POLE: variants seen among roughly 807,000 people sequenced by gnomAD.
POLE encodes DNA polymerase epsilon, catalytic subunit, also known as DNA polymerase epsilon catalytic subunit A.
In POLE, 188 loss-of-function variants were observed where a neutral mutation model predicts 279.2. The observed-to-expected ratio is 0.67, with a 90% CI of 0.60 to 0.76. POLE has a LOEUF of 0.76. Ranked by LOEUF, POLE falls within the 30% of genes least tolerant of loss-of-function variation. The pLI, the probability that POLE is intolerant of heterozygous loss-of-function variation, is 0.00. For missense variants in POLE, 2,703 were observed against 3,016.7 expected, an observed-to-expected ratio of 0.90 and a Z score of 2.44; for synonymous variants, 1,214 against 1,172.5, an observed-to-expected ratio of 1.04 and a Z score of -0.72.
chr12:132,681,389 G>C, intron 1 of POLE, 110 bp from the exon 2 acceptor site: 1 of 1,140,758 alleles, frequency 8.8e-7, no homozygotes. Flanking sequence ...TGTCGCCTAG[G>C]CTGGAGTGCA....
chr12:132,686,193 T>C (rs901531862), intron 1 of POLE, among the ~76,000 whole-genome samples: 2 of 152,012 alleles, frequency 1.3e-5, no homozygotes, highest in African/African-American at 4.8e-5. Context: ...GTTTTCTGCT[T>C]ATGGCAGGCC....
At chr12:132,677,858 G>A (rs953200977) in intron 6 of POLE, 139 bp from the exon 7 acceptor site, 6 of 788,552 alleles carry the variant, frequency 7.6e-6, no homozygotes, top group Non-Finnish European at 1.2e-5. Flanking sequence ...TGGTTTCAAC[G>A]ACCAAGGCAG....
intron 5 of POLE, 27 bp from the exon 6 acceptor site, chr12:132,679,678 T>C: frequency 1.9e-6 from 3 of 1,597,340 alleles, no homozygotes; most frequent in South Asian, 1.1e-5. Context: ...TCACGCTCAT[T>C]GGTTCAAGAG....
rs1224424211 is a variant in POLE, at chr12:132,632,651, A to G, written c.6136+13T>C. ...CACATGGCAGTGGCCTCAAAAGACA[A>G]AAGACTGCTCACCGGGAAGGGCTCC... On this transcript the variant is annotated intron_variant, in intron 44 of 48. Transcript: ENST00000320574. The G allele has an allele frequency of 6.2e-7, 1 of 1,613,940 alleles. No homozygotes were observed. The highest frequency in any genetic ancestry group is 1.1e-5 in the South Asian group (1 of 91,080).
rs5745049 is a variant in POLE at position 132,631,051 on chromosome 12, C to T, written c.6330+1264G>A. Among the ~76,000 whole-genome samples, 280 of 152,336 alleles carry T rather than the reference C, an allele frequency of 1.8e-3. 2 individuals are homozygous for T. The highest frequency in any genetic ancestry group is 6.5e-3 in the African/African-American group (269 of 41,576). ...ATTAATCACCCCAAAGTGAAAGCAA[C>T]GCAAATGTCCTTCCACCAGTGAATG... On this transcript the variant is annotated intron_variant, in intron 45 of 48. Transcript: ENST00000320574.
chr12:132,631,540 A>C (rs907010653), intron 45 of POLE, among the ~76,000 whole-genome samples: 1 of 152,208 alleles, frequency 6.6e-6, no homozygotes, highest in African/African-American at 2.4e-5. Flanking sequence ...CTCCAGCGTA[A>C]CCTTAGCCGT....
rs568804341 is a variant in POLE at position 132,624,098 on chromosome 12, G to A, written c.*599C>T. The A allele has an allele frequency of 1.5e-4, 32 of 210,144 alleles. No individual in the cohort carries two copies. Among genetic ancestry groups the A allele is most frequent in the Non-Finnish European group, 2.8e-4 (29 of 103,744 alleles). 13.0% of individuals were successfully genotyped at this position (210,144 alleles called of 1,614,324 possible). A position where few individuals can be genotyped will look rare whatever the true frequency, so the allele number is the denominator to read the frequency against. On this transcript the variant is annotated 3_prime_UTR_variant, in exon 49 of 49. Coordinates refer to ENST00000320574, the MANE Select transcript of POLE (RefSeq NM_006231.4). ...CTGATAGAGGGTTCCCTCTAGACCC[G>A]GCTCCAAATAAGCAGGGCTCACAAG...
intron 2 of POLE, 22 bp from the exon 3 acceptor site, chr12:132,680,709 C>G (rs2043148600): frequency 3.8e-6 from 6 of 1,581,116 alleles, no homozygotes; most frequent in Non-Finnish European, 5.2e-6. Flanking sequence ...TCAGTCAACA[C>G]AGACACAAGA....
At chr12:132,677,471 A>G (rs1347491319) in intron 7 of POLE, 28 bp from the exon 8 acceptor site, 1 of 1,609,372 alleles carries the variant, frequency 6.2e-7, no homozygotes, top group South Asian at 1.1e-5. Context: ...TGCTAACTAG[A>G]GTTCTACATC....
chr12:132,624,474 G>T lies in POLE; in HGVS notation c.*223C>A. The T allele has an allele frequency of 1.7e-6, 1 of 588,172 alleles. No homozygotes were observed. Among genetic ancestry groups the T allele is most frequent in the East Asian group, 2.8e-5 (1 of 35,606 alleles). 36.4% of individuals were successfully genotyped at this position (588,172 alleles called of 1,614,324 possible). On this transcript the variant is annotated 3_prime_UTR_variant, in exon 49 of 49. Transcript: ENST00000320574. ...GCCTCGCTCACGGCCTGCTTCTTCA[G>T]GTGCTCTGGCGAGGCCAGGGCCACA...
chr12:132,661,816 C>T lies in POLE; in HGVS notation c.2707-132G>A. 2 of 884,248 alleles carry T rather than the reference C, an allele frequency of 2.3e-6. No homozygotes were observed. The highest frequency in any genetic ancestry group is 3.5e-6 in the Non-Finnish European group (2 of 578,302). 54.8% of individuals were successfully genotyped at this position (884,248 alleles called of 1,614,324 possible). A position where few individuals can be genotyped will look rare whatever the true frequency, so the allele number is the denominator to read the frequency against. On this transcript the variant is annotated intron_variant, in intron 23 of 48. Coordinates refer to ENST00000320574, the MANE Select transcript of POLE (RefSeq NM_006231.4). This position sits in a 1 kb window ranked among gnomAD's most constrained non-coding sequence, Gnocchi z 4.1. ...CCACATAACTAACACGACTTGGCAG[C>T]AGGAAGGAAGGAAGTTCTGATGCAT...
chr12:132,663,072 C>T (rs2042714696), intron 23 of POLE, among the ~76,000 whole-genome samples: 1 of 152,212 alleles, frequency 6.6e-6, no homozygotes, highest in Non-Finnish European at 1.5e-5. Flanking sequence ...AGCCCATCAG[C>T]AACGCTAACA....
In POLE at chr12:132,648,990, G is replaced by A. The variant is rs1399456425; in HGVS notation, c.4088C>T (p.Pro1363Leu). ...TCGCTGGTTCACGTAGAACACACGGGGGATGCTCAGCCTGATGCAGTGCAA... is the reference window on the plus strand; with the variant it reads ...TCGCTGGTTCACGTAGAACACACGGAGGATGCTCAGCCTGATGCAGTGCAA... Reference protein sequence around the residue: ...SDLHCIRLSIPRVFYVNQRVA... With the variant: ...SDLHCIRLSILRVFYVNQRVA... Residue 1363 changes from proline to leucine, a missense_variant, in exon 32 of 49, where the codon CCC (proline) becomes CTC (leucine). This residue lies in a region of POLE where 1,551 missense variants were observed against 1,686.1 expected (regional missense o/e 0.92). Transcript: ENST00000320574. The A allele has an allele frequency of 6.2e-7, 1 of 1,613,982 alleles. No homozygotes were observed. Among genetic ancestry groups the A allele is most frequent in the Admixed American group, 1.7e-5 (1 of 60,010 alleles).
chr12:132,681,274 T>C lies in POLE; in HGVS notation c.68A>G (p.Asp23Gly), dbSNP rs765898876. The stretch of plus-strand genomic sequence containing the variant: ...TGCCGAAACTGAGGAAGTGGCGCCA[T>C]CATCCCTGAGTGAAAGAAGGGAACC... ...PGADGEASRD[D>G]GATSSVSALK... The change falls in exon 2 of 49, where the codon GAT becomes GGT. Residue 23 changes from aspartate (D) to glycine (G), a missense_variant. Transcript: ENST00000320574. 19 of 1,614,042 alleles carry C rather than the reference T, an allele frequency of 1.2e-5. No homozygotes were observed. In the Admixed American group the frequency reaches 1.3e-4, roughly 11 times the overall value.
intron 33 of POLE, 31 bp downstream of exon 33, chr12:132,643,806 C>T (rs377395223): frequency 6.2e-7 from 1 of 1,606,060 alleles, no homozygotes; most frequent in East Asian, 2.2e-5. Flanking sequence ...GGAGCCTCCC[C>T]CAGTTCAGTC....
intron 16 of POLE, 102 bp downstream of exon 16, chr12:132,672,113 C>T: frequency 2.5e-6 from 2 of 799,652 alleles, no homozygotes; most frequent in Non-Finnish European, 4.3e-6. Context: ...CCGTCCACAG[C>T]ACCACACGCA....
rs199945393 is a variant in POLE at position 132,642,913 on chromosome 12, G to A, written c.4635C>T (p.Leu1545=). Residue 1545 remains leucine, a synonymous_variant, in exon 36 of 49, where the codon CTC becomes CTT. Coordinates refer to ENST00000320574, the MANE Select transcript of POLE (RefSeq NM_006231.4). ...CGAAGGTGTGTTTGGGGGGTGGCAG[G>A]AGCTCAGGGCCCACCTTCTCCAGGA... The part of the protein sequence containing the change: ...GLLLEKVGPE[L]LPPPKHTFEV... 2.2e-5 allele frequency: 36 copies of A among 1,613,466 alleles called. No homozygotes were observed. Among genetic ancestry groups the A allele is most frequent in the Non-Finnish European group, 2.7e-5 (32 of 1,179,840 alleles).
chr12:132,646,510 C>A, intron 32 of POLE, among the ~76,000 whole-genome samples: 1 of 144,882 alleles, frequency 6.9e-6, no homozygotes, highest in South Asian at 2.2e-4. Context: ...TTTTGTTCAA[C>A]ATTCTTTCTT....
chr12:132,646,887 AG>A (rs2042297254), intron 32 of POLE, among the ~76,000 whole-genome samples: 1 of 152,092 alleles, frequency 6.6e-6, no homozygotes, highest in East Asian at 1.9e-4. Flanking sequence ...TCTGTAGAGA[AG>A]GGGTTTTGCC....
Sources: gnomAD v4.1 joint callset for allele counts (sites outside exome capture counted in the v4.1 genomes callset) on GRCh38, gnomAD v4.1.1 for gene constraint, gnomAD v4.1.1 regional missense constraint, Gnocchi (gnomAD v3.1) non-coding constraint, MANE v1.5 for transcripts, NCBI Gene and HGNC (gene_info 2026-07-23, HGNC 2026-07-21) for gene names.